The following ZBBX variants were observed in gnomAD, a reference collection of about 807,000 sequenced individuals.
The protein encoded by ZBBX is zinc finger B-box domain-containing protein 1.
A neutral mutation model predicts 108.5 loss-of-function variants in ZBBX; 101 were observed. The ratio of observed to expected loss-of-function variants is 0.93; its 90% CI spans 0.79 to 1.10. ZBBX has a LOEUF of 1.10. ZBBX is among the 50% of genes least tolerant of loss of function. The pLI, the probability that ZBBX is intolerant of heterozygous loss-of-function variation, is 0.00. For missense variants in ZBBX, 1,009 were observed against 941.4 expected, an observed-to-expected ratio of 1.07 and a Z score of -0.94; for synonymous variants, 356 against 323.4, an observed-to-expected ratio of 1.10 and a Z score of -1.08.
chr3:167,320,837 A>T (rs1189356135), intron 12 of ZBBX, among the ~76,000 whole-genome samples: 2 of 152,012 alleles, frequency 1.3e-5, no homozygotes, highest in African/African-American at 4.8e-5. Context: ...ACAAGCCCAA[A>T]TTGAGCACAT....
the ZBBX span, among the ~76,000 whole-genome samples, chr3:167,181,571 G>A: frequency 6.6e-6 from 1 of 152,130 alleles, no homozygotes; most frequent in Non-Finnish European, 1.5e-5. Flanking sequence ...CAGGCAGGAT[G>A]TTTTTCAATA....
At chr3:167,246,911 T>C (rs1177899603) in intron 20 of ZBBX, among the ~76,000 whole-genome samples, 2 of 152,192 alleles carry the variant, frequency 1.3e-5, no homozygotes, top group Non-Finnish European at 2.9e-5. Flanking sequence ...AGATGATAAT[T>C]AGTTCTAGAA....
chr3:167,382,108 G>A (rs1240975732), upstream of ZBBX, among the ~76,000 whole-genome samples: 1 of 152,054 alleles, frequency 6.6e-6, no homozygotes, highest in Non-Finnish European at 1.5e-5. Context: ...TTACACAATA[G>A]TAAAATTAAA....
At chr3:167,252,989 T>C (rs1010151716) in intron 20 of ZBBX, among the ~76,000 whole-genome samples, 1 of 152,232 alleles carries the variant, frequency 6.6e-6, no homozygotes, top group Non-Finnish European at 1.5e-5. Flanking sequence ...AATTGGCCTG[T>C]AATGTAACAA....
chr3:167,274,714 T>C (rs899772266), intron 20 of ZBBX, among the ~76,000 whole-genome samples: 2 of 152,208 alleles, frequency 1.3e-5, no homozygotes, highest in African/African-American at 2.4e-5. Context: ...CCCTTGAAAC[T>C]GCACGTCTCA....
chr3:167,364,912 G>T (rs1213991740), intron 6 of ZBBX, among the ~76,000 whole-genome samples: 1 of 151,742 alleles, frequency 6.6e-6, no homozygotes, highest in South Asian at 2.1e-4. Flanking sequence ...AATCCAGCCT[G>T]TAATATCAAT....
upstream of ZBBX, among the ~76,000 whole-genome samples, chr3:167,382,658 T>C (rs557982204): frequency 6.6e-6 from 1 of 152,108 alleles, no homozygotes; most frequent in Non-Finnish European, 1.5e-5. Flanking sequence ...AGAAATAAGG[T>C]AAAGCCAAAA....
At chr3:167,235,259 T>C (rs551902569), downstream of ZBBX, among the ~76,000 whole-genome samples, 39 of 151,800 alleles carry the variant, frequency 2.6e-4, no homozygotes, top group South Asian at 3.1e-3. Context: ...AAAATGTGCA[T>C]CTGCTCATTT....
chr3:167,292,405 A>G, intron 18 of ZBBX, among the ~76,000 whole-genome samples: 1 of 152,288 alleles, frequency 6.6e-6, no homozygotes, highest in African/African-American at 2.4e-5. Flanking sequence ...ACTCACTCAA[A>G]ACTGCACGAC....
intron 20 of ZBBX, among the ~76,000 whole-genome samples, chr3:167,250,036 G>C (rs1414279850): frequency 1.3e-5 from 2 of 152,164 alleles, no homozygotes; most frequent in Non-Finnish European, 2.9e-5. Flanking sequence ...GAAAGGCTAA[G>C]AGCGGCCTTG....
chr3:167,368,043 T>A (rs911027046), intron 5 of ZBBX, among the ~76,000 whole-genome samples: 2 of 149,058 alleles, frequency 1.3e-5, no homozygotes, highest in Admixed American at 6.7e-5. Context: ...TATATATATG[T>A]GAACTCTTGC....
Position 167,282,298 on chromosome 3 carries a change from T to C in ZBBX, c.2194A>G (p.Thr732Ala). 1 of 1,613,888 alleles carries C rather than the reference T, an allele frequency of 6.2e-7. No individual in the cohort carries two copies. Among genetic ancestry groups the C allele is most frequent in the Non-Finnish European group, 8.5e-7 (1 of 1,179,822 alleles). ...DQNELSLDDT[T>A]DQHTLDNLEK... ...AAATTGTCTAAAGTATGTTGATCAG[T>C]AGTGTCATCTAAGGAAAGCTCATTC... Residue 732 changes from threonine to alanine, a missense_variant, in exon 20 of 22, where the codon ACT becomes GCT. Physicochemically the swap from Thr to Ala is moderately conservative, Grantham distance 58. Transcript: ENST00000675490.
At chr3:167,330,858 G>GAA (rs1577017341) in intron 10 of ZBBX, among the ~76,000 whole-genome samples, 2 of 73,742 alleles carry the variant, frequency 2.7e-5, no homozygotes, top group African/African-American at 5.7e-5. Flanking sequence ...AGGAGGAGGA[G>GAA]GAGGAGGAGG....
chr3:167,400,590 G>C, intron 1 of ZBBX, among the ~76,000 whole-genome samples: 1 of 151,802 alleles, frequency 6.6e-6, no homozygotes, highest in East Asian at 1.9e-4. Flanking sequence ...ATTCCTTATA[G>C]TACCGTGAAC....
At chr3:167,342,523 AC>A (rs1455506473) in intron 9 of ZBBX, among the ~76,000 whole-genome samples, 2 of 151,608 alleles carry the variant, frequency 1.3e-5, no homozygotes, top group South Asian at 2.1e-4. Flanking sequence ...TTAAAAAAAC[AC>A]CCCTACATGC....
intron 20 of ZBBX, among the ~76,000 whole-genome samples, chr3:167,250,578 A>C (rs995758114): frequency 2.6e-5 from 4 of 151,808 alleles, no homozygotes; most frequent in African/African-American, 9.7e-5. Context: ...CAAAATCCAA[A>C]TGGTCAACCG....
At chr3:167,182,915 C>G in the ZBBX span, among the ~76,000 whole-genome samples, 11 of 152,184 alleles carry the variant, frequency 7.2e-5, no homozygotes, top group Non-Finnish European at 1.3e-4. Context: ...TGTATCCTAA[C>G]AGGGAACTGC....
At chr3:167,344,603 G>T (rs563498698) in intron 9 of ZBBX, among the ~76,000 whole-genome samples, 2 of 151,690 alleles carry the variant, frequency 1.3e-5, no homozygotes, top group East Asian at 3.9e-4. Context: ...AGGAATAACA[G>T]TTTGCCAGCA....
chr3:167,331,942 G>A (rs1378794062), intron 10 of ZBBX, among the ~76,000 whole-genome samples: 1 of 152,090 alleles, frequency 6.6e-6, no homozygotes, highest in Non-Finnish European at 1.5e-5. Context: ...CCAAGGATGT[G>A]CCATTGGCTT....
Sources: gnomAD v4.1 joint callset for allele counts (sites outside exome capture counted in the v4.1 genomes callset) on GRCh38, gnomAD v4.1.1 for gene constraint, MANE v1.5 for transcripts, NCBI Gene and HGNC (gene_info 2026-07-23, HGNC 2026-07-21) for gene names.